Variants in IQCJ observed in about 807,000 individuals in gnomAD.
IQCJ encodes IQ motif containing J.
IQCJ carries 9 observed loss-of-function variants against 11.0 expected under a neutral mutation model. The observed-to-expected ratio is 0.82, with a 90% CI of 0.49 to 1.43. IQCJ has a LOEUF of 1.43. IQCJ is among the 40% of genes most tolerant of loss of function. The pLI is 0.00. For synonymous variants in IQCJ, 55 were observed against 51.3 expected (o/e 1.07, Z -0.31); for missense variants, 146 against 133.2 (o/e 1.10, Z -0.47).
chr3:159,072,501 G>T (rs1334131658), intron 1 of IQCJ, among the ~76,000 whole-genome samples: 3 of 151,944 alleles, frequency 2.0e-5, no homozygotes, highest in African/African-American at 7.3e-5. Flanking sequence ...TTACAGAGTT[G>T]GGCTTTAAAT....
intron 1 of IQCJ, 61 bp from the exon 2 acceptor site, chr3:159,245,782 A>G: frequency 7.2e-7 from 1 of 1,390,214 alleles, no homozygotes; most frequent in Non-Finnish European, 9.9e-7. Flanking sequence ...GTTATGCTTG[A>G]ATAGCATTGC....
chr3:159,101,692 C>A (rs1369587534), intron 1 of IQCJ, among the ~76,000 whole-genome samples: 1 of 152,194 alleles, frequency 6.6e-6, no homozygotes, highest in African/African-American at 2.4e-5. Context: ...AGCCCATCTA[C>A]TGTGTTTCTG....
chr3:159,072,245 A>G (rs1045779454), intron 1 of IQCJ, among the ~76,000 whole-genome samples: 16 of 152,078 alleles, frequency 1.1e-4, no homozygotes, highest in Non-Finnish European at 1.9e-4. Flanking sequence ...TCCAATAGAG[A>G]AGAACAATCA....
At chr3:159,220,723 C>A (rs189166995) in intron 1 of IQCJ, among the ~76,000 whole-genome samples, 1 of 152,112 alleles carries the variant, frequency 6.6e-6, no homozygotes, top group Non-Finnish European at 1.5e-5. Context: ...GGAGGATCCC[C>A]GATGAACAAG....
chr3:159,232,968 A>G (rs1553791231), intron 1 of IQCJ, among the ~76,000 whole-genome samples: 3 of 152,182 alleles, frequency 2.0e-5, no homozygotes, highest in South Asian at 4.1e-4. Flanking sequence ...AGGTATAGAG[A>G]TTTGTTCCAA....
chr3:159,235,374 A>C (rs1263990773), intron 1 of IQCJ, among the ~76,000 whole-genome samples: 2 of 152,204 alleles, frequency 1.3e-5, no homozygotes, highest in Non-Finnish European at 2.9e-5. Context: ...CCAGTTCTTC[A>C]TTCTATAATG....
At chr3:159,142,430 C>T (rs570019693) in intron 1 of IQCJ, among the ~76,000 whole-genome samples, 2 of 130,042 alleles carry the variant, frequency 1.5e-5, no homozygotes, top group South Asian at 2.3e-4. Context: ...TTTTCCCCCC[C>T]CCACCAGATG....
chr3:159,133,863 T>C (rs1264364088), intron 1 of IQCJ, among the ~76,000 whole-genome samples: 1 of 151,794 alleles, frequency 6.6e-6, no homozygotes, highest in African/African-American at 2.4e-5. Context: ...CAATTTACTA[T>C]CTCATTATTT....
intron 1 of IQCJ, among the ~76,000 whole-genome samples, chr3:159,124,449 C>G (rs939658641): frequency 6.6e-6 from 1 of 152,144 alleles, no homozygotes; most frequent in African/African-American, 2.4e-5. Context: ...TTGTACTGCC[C>G]TCCTCATGGT....
At chr3:159,235,969 AGT>A (rs2108166432) in intron 1 of IQCJ, among the ~76,000 whole-genome samples, 1 of 152,304 alleles carries the variant, frequency 6.6e-6, no homozygotes, top group East Asian at 1.9e-4. Flanking sequence ...TACCTCACTC[AGT>A]GATTACTGCT....
chr3:159,124,184 T>G (rs1719540969), intron 1 of IQCJ, among the ~76,000 whole-genome samples: 2 of 152,166 alleles, frequency 1.3e-5, no homozygotes, highest in South Asian at 4.1e-4. Context: ...CTCCTTCCAC[T>G]TCTTCTTTCT....
chr3:159,131,887 CAG>C (rs1244606816), intron 1 of IQCJ, among the ~76,000 whole-genome samples: 1 of 152,092 alleles, frequency 6.6e-6, no homozygotes, highest in East Asian at 1.9e-4. Context: ...AGTTTTTGTG[CAG>C]AGAGTACCTT....
chr3:159,108,034 A>T (rs1718383431), intron 1 of IQCJ, among the ~76,000 whole-genome samples: 1 of 151,594 alleles, frequency 6.6e-6, no homozygotes, highest in Admixed American at 6.6e-5. Flanking sequence ...AAGAAAAAAA[A>T]TTCTAGAAAA....
At chr3:159,073,877 A>T (rs1268139531) in intron 1 of IQCJ, among the ~76,000 whole-genome samples, 1 of 152,136 alleles carries the variant, frequency 6.6e-6, no homozygotes, top group African/African-American at 2.4e-5. Flanking sequence ...TGTAAGGAAC[A>T]TTAGAATTGT....
At chr3:159,231,499 G>A (rs1269607006) in intron 1 of IQCJ, among the ~76,000 whole-genome samples, 1 of 151,838 alleles carries the variant, frequency 6.6e-6, no homozygotes, top group African/African-American at 2.4e-5. Flanking sequence ...TTTAAGAATC[G>A]TTCCTTTTGA....
At chr3:159,158,514 T>G (rs1320951696) in intron 1 of IQCJ, among the ~76,000 whole-genome samples, 3 of 152,212 alleles carry the variant, frequency 2.0e-5, no homozygotes, top group Non-Finnish European at 2.9e-5. Context: ...GCATTATGAT[T>G]AGTACAATGC....
intron 1 of IQCJ, among the ~76,000 whole-genome samples, chr3:159,244,622 TG>T (rs932633811): frequency 2.0e-5 from 3 of 152,148 alleles, no homozygotes; most frequent in Non-Finnish European, 4.4e-5. Context: ...TCAAAGAAGT[TG>T]GGGAGATACA....
intron 3 of IQCJ, among the ~76,000 whole-genome samples, chr3:159,260,489 C>T (rs1373595063): frequency 6.6e-6 from 1 of 152,106 alleles, no homozygotes; most frequent in East Asian, 1.9e-4. Context: ...CTTTAGGAAC[C>T]TTCAAGCAGC....
rs537305664 is a variant in IQCJ at position 159,163,373 on chromosome 3, AC to A, written c.10-82467del. 3.6e-4 allele frequency among the ~76,000 whole-genome samples: 55 copies of A among 152,154 alleles called. No individual in the cohort carries two copies. In the South Asian group the frequency reaches 1.0e-2, roughly 28 times the overall value. ...AAAAGGCCTTTGACAAAATTCAACA[AC>A]CCTTCATGCTAAAAACTCTCAATAA... On this transcript the variant is annotated intron_variant, in intron 1 of 3. Transcript: ENST00000397832.
Sources: allele counts gnomAD v4.1 joint callset (sites outside exome capture counted in the v4.1 genomes callset), GRCh38; gene constraint gnomAD v4.1.1; transcripts MANE v1.5; gene names NCBI Gene and HGNC (gene_info 2026-07-23, HGNC 2026-07-21).